The following PDE1C variants were observed in gnomAD, a reference collection of about 807,000 sequenced individuals.
The protein encoded by PDE1C is phosphodiesterase 1C.
In PDE1C, 62 loss-of-function variants were observed where a neutral mutation model predicts 93.1. The ratio of observed to expected loss-of-function variants is 0.67; its 90% CI spans 0.54 to 0.82. The LOEUF (loss-of-function observed/expected upper bound fraction) is 0.82. Among genes scored for constraint, PDE1C ranks in the 40% least tolerant of loss-of-function variants. The pLI, the probability that PDE1C is intolerant of heterozygous loss-of-function variation, is 0.00. For missense variants in PDE1C, 742 were observed against 884.6 expected (o/e 0.84, Z 2.04); for synonymous variants, 325 against 310.1 (o/e 1.05, Z -0.50).
intron 1 of PDE1C, among the ~76,000 whole-genome samples, chr7:32,212,591 T>A (rs772127678): frequency 6.6e-6 from 1 of 152,122 alleles, no homozygotes; most frequent in Non-Finnish European, 1.5e-5. Context: ...CAGCACTCGG[T>A]CACATGCGCT....
chr7:32,282,725 C>T (rs979272970), intron 1 of PDE1C, among the ~76,000 whole-genome samples: 29 of 151,582 alleles, frequency 1.9e-4, no homozygotes, highest in African/African-American at 6.5e-4. Flanking sequence ...GGACTGCAGG[C>T]GCCCGCCACC....
intron 2 of PDE1C, among the ~76,000 whole-genome samples, chr7:31,972,211 GGA>G (rs1456551177): frequency 6.6e-6 from 1 of 152,068 alleles, no homozygotes; most frequent in East Asian, 1.9e-4. Context: ...TTCTTAAAAG[GGA>G]ATAGAACATT....
chr7:31,863,499 A>G (rs566115544), intron 7 of PDE1C, among the ~76,000 whole-genome samples: 1 of 152,306 alleles, frequency 6.6e-6, no homozygotes, highest in South Asian at 2.1e-4. Flanking sequence ...CGGAACCATC[A>G]TTCAATATGA....
chr7:31,799,191 T>A (rs934249204), intron 16 of PDE1C, among the ~76,000 whole-genome samples: 1 of 151,542 alleles, frequency 6.6e-6, no homozygotes, highest in Non-Finnish European at 1.5e-5. Flanking sequence ...ACAGAAACAA[T>A]CTCTAGTAAA....
At chr7:31,739,236 CA>C in the PDE1C span, among the ~76,000 whole-genome samples, 1 of 151,410 alleles carries the variant, frequency 6.6e-6, no homozygotes, top group African/African-American at 2.4e-5. Context: ...CACACACACA[CA>C]CCAGCTCTTC....
chr7:32,254,661 T>C (rs555057864), intron 1 of PDE1C, among the ~76,000 whole-genome samples: 5 of 152,272 alleles, frequency 3.3e-5, no homozygotes, highest in African/African-American at 1.2e-4. Context: ...TAAGTGTGTA[T>C]GTTTTTGTGT....
rs1053027756 is a variant in PDE1C at position 31,908,449 on chromosome 7, C to G, written c.129-27589G>C. ...TACTCTGGTTCCAGCGTATGCTCCA[C>G]ACATCCCACCACTGCAGGGCGCATC... On this transcript the variant is annotated intron_variant, in intron 2 of 17. Coordinates refer to ENST00000396191, the MANE Select transcript of PDE1C (RefSeq NM_001191057.4). Among the ~76,000 whole-genome samples, 3 of 152,166 alleles carry G rather than the reference C, an allele frequency of 2.0e-5. No homozygotes were observed. In the East Asian group the frequency reaches 5.8e-4, roughly 29 times the overall value.
chr7:31,775,664 C>T lies in PDE1C; in HGVS notation c.1960G>A (p.Val654Ile), dbSNP rs920083824. Residue 654 changes from valine to isoleucine, a missense_variant and splice_region_variant, in exon 17 of 18, where the codon GTC (valine) becomes ATC (isoleucine). This residue lies in a region of PDE1C where 454 missense variants were observed against 459.4 expected (regional missense o/e 0.99). Coordinates refer to ENST00000396191, the MANE Select transcript of PDE1C (RefSeq NM_001191057.4). ...TAATGGTGCAATGCTGTTTACCCAC[C>T]TGGCAACGTAAGGCGACACGTGGAG... The part of the protein sequence containing the change: ...TSSTCRLTLP[V>I]IKPPLRHFKR... 4 of 1,612,216 alleles carry T rather than the reference C, an allele frequency of 2.5e-6. No homozygotes were observed. Among genetic ancestry groups the T allele is most frequent in the Non-Finnish European group, 3.4e-6 (4 of 1,179,436 alleles).
chr7:32,117,812 A>G (rs531156270), intron 3 of PDE1C, among the ~76,000 whole-genome samples: 1 of 152,338 alleles, frequency 6.6e-6, no homozygotes, highest in Admixed American at 6.5e-5. Context: ...AGTTATTGAT[A>G]AATTAAATTG....
chr7:31,681,937 G>T, the PDE1C span, among the ~76,000 whole-genome samples: 3,043 of 152,264 alleles, frequency 0.02, 111 homozygotes, highest in African/African-American at 0.069. Context: ...TTTTGAAAGT[G>T]AGTCTCCCTT....
intron 3 of PDE1C, among the ~76,000 whole-genome samples, chr7:32,092,130 T>C (rs187715804): frequency 2.0e-5 from 3 of 151,818 alleles, no homozygotes; most frequent in Admixed American, 2.0e-4. Context: ...CAATAAGATG[T>C]TTTGCCATTT....
At chr7:31,727,779 T>C in the PDE1C span, among the ~76,000 whole-genome samples, 1 of 152,190 alleles carries the variant, frequency 6.6e-6, no homozygotes, top group African/African-American at 2.4e-5. Flanking sequence ...CGGTGGCTCA[T>C]GCCTATAATC....
At chr7:31,786,905 C>T (rs988671002) in intron 16 of PDE1C, 2 of 4,552 alleles carry the variant, frequency 4.4e-4, no homozygotes, top group African/African-American at 5.4e-4. Context: ...ATCTATCTAT[C>T]TATCTATCTA....
At chr7:31,793,988 C>T (rs1013672254) in intron 16 of PDE1C, among the ~76,000 whole-genome samples, 4 of 134,098 alleles carry the variant, frequency 3.0e-5, no homozygotes, top group Non-Finnish European at 6.5e-5. Context: ...CATAGATAAA[C>T]CAGATAGATA....
At chr7:32,098,099 G>A (rs917541209) in intron 3 of PDE1C, among the ~76,000 whole-genome samples, 13 of 148,590 alleles carry the variant, frequency 8.7e-5, no homozygotes, top group African/African-American at 2.3e-4. Context: ...GCGTGGTGGC[G>A]GGCGCCTGTA....
At chr7:32,420,114 TATATATATATACACACACACACACAC>T (rs1387326765) in intron 1 of PDE1C, among the ~76,000 whole-genome samples, 3 of 27,292 alleles carry the variant, frequency 1.1e-4, no homozygotes, top group Non-Finnish European at 2.3e-4. Context: ...TATATATATA[TATATATATATACACACACACACACAC>T]ACACACACAC....
At chr7:31,625,790 AG>A in the PDE1C span, among the ~76,000 whole-genome samples, 1 of 151,962 alleles carries the variant, frequency 6.6e-6, no homozygotes, top group Non-Finnish European at 1.5e-5. Context: ...AAACAGTTAA[AG>A]AATTAGAATA....
At chr7:31,622,608 C>G in the PDE1C span, among the ~76,000 whole-genome samples, 9,871 of 151,010 alleles carry the variant, frequency 0.065, 425 homozygotes, top group Middle Eastern at 0.12. Flanking sequence ...ATTCAAAGCA[C>G]TGTGTAGAGG....
chr7:32,110,013 A>G (rs1798555191), intron 3 of PDE1C, among the ~76,000 whole-genome samples: 1 of 152,164 alleles, frequency 6.6e-6, no homozygotes, highest in Admixed American at 6.5e-5. Flanking sequence ...ATGATTTTTT[A>G]AATTCAGAGA....
Sources: allele counts gnomAD v4.1 joint callset (sites outside exome capture counted in the v4.1 genomes callset), GRCh38; gene constraint gnomAD v4.1.1; regional missense constraint gnomAD v4.1.1; transcripts MANE v1.5; gene names NCBI Gene and HGNC (gene_info 2026-07-23, HGNC 2026-07-21).